SLC38A9: variants seen among roughly 807,000 people sequenced by gnomAD.
The protein encoded by SLC38A9 is solute carrier family 38 member 9, also known as neutral amino acid transporter 9.
SLC38A9 carries 48 observed loss-of-function variants against 62.3 expected under a neutral mutation model. The observed-to-expected ratio is 0.77, with a 90% CI of 0.61 to 0.98. The LOEUF is 0.98. Ranked by LOEUF, SLC38A9 falls within the 50% of genes least tolerant of loss-of-function variation. The probability of loss-of-function intolerance (pLI) is 0.00; values close to 1 mark genes in which losing one functional copy is unlikely to be tolerated. For missense variants in SLC38A9, 541 were observed against 679.8 expected, an observed-to-expected ratio of 0.80 and a Z score of 2.27; for synonymous variants, 204 against 227.7, an observed-to-expected ratio of 0.90 and a Z score of 0.94.
intron 11 of SLC38A9, among the ~76,000 whole-genome samples, chr5:55,647,881 T>C (rs1746675399): frequency 6.6e-6 from 1 of 152,196 alleles, no homozygotes; most frequent in Admixed American, 6.5e-5. Context: ...TTCACAGAGT[T>C]GTACAACCAT....
chr5:55,697,996 C>T lies in SLC38A9; in HGVS notation c.-34-4G>A. On this transcript the variant is annotated splice_region_variant and splice_polypyrimidine_tract_variant and intron_variant, in intron 2 of 15. Coordinates refer to ENST00000396865, the MANE Select transcript of SLC38A9 (RefSeq NM_173514.4). ...CTAAGCACTGAAGAAGTTAGTCCTACACAAAGAAGATAAATAATTTAGTTT... is the reference window on the plus strand; with the variant it reads ...CTAAGCACTGAAGAAGTTAGTCCTATACAAAGAAGATAAATAATTTAGTTT... 1 of 1,003,480 alleles carries T rather than the reference C, an allele frequency of 1.0e-6. No individual in the cohort carries two copies. Among genetic ancestry groups the T allele is most frequent in the South Asian group, 1.6e-5 (1 of 64,482 alleles). 62.2% of individuals were successfully genotyped at this position (1,003,480 alleles called of 1,614,324 possible). A position where few individuals can be genotyped will look rare whatever the true frequency, so the allele number is the denominator to read the frequency against.
intron 3 of SLC38A9, among the ~76,000 whole-genome samples, chr5:55,680,895 G>C (rs182579513): frequency 6.6e-6 from 1 of 152,216 alleles, no homozygotes; most frequent in Non-Finnish European, 1.5e-5. Context: ...GCATTCTGCA[G>C]ATCAATCCCA....
At chr5:55,650,144 C>G (rs549548527) in intron 10 of SLC38A9, among the ~76,000 whole-genome samples, 53 of 152,088 alleles carry the variant, frequency 3.5e-4, no homozygotes, top group Admixed American at 1.2e-3. Flanking sequence ...CAATCCTGAT[C>G]TAGTATCTAG....
intron 7 of SLC38A9, among the ~76,000 whole-genome samples, chr5:55,668,967 G>A (rs1364470022): frequency 1.3e-5 from 2 of 152,198 alleles, no homozygotes; most frequent in Admixed American, 1.3e-4. Flanking sequence ...ATAAATATGA[G>A]TTTTTAAATG....
At chr5:55,705,439 C>CAAAAAAAAAA (rs67490309) in intron 2 of SLC38A9, among the ~76,000 whole-genome samples, 4 of 125,614 alleles carry the variant, frequency 3.2e-5, no homozygotes, top group East Asian at 2.3e-4. Flanking sequence ...CTTCATATTA[C>CAAAAAAAAAA]AAAAAAAAAA....
intron 2 of SLC38A9, among the ~76,000 whole-genome samples, chr5:55,700,580 A>G (rs1472706328): frequency 6.6e-6 from 1 of 152,162 alleles, no homozygotes; most frequent in East Asian, 1.9e-4. Flanking sequence ...AGGAAAGCAA[A>G]AGAGGAGAAA....
chr5:55,652,864 C>A (rs1052661123), intron 9 of SLC38A9, 141 bp from the exon 10 acceptor site: 2 of 584,128 alleles, frequency 3.4e-6, no homozygotes, highest in African/African-American at 3.7e-5. Flanking sequence ...TTTCTCTTTT[C>A]TGGAAAAAAT....
chr5:55,692,945 T>TA (rs1754948465), intron 3 of SLC38A9: 1 of 977,330 alleles, frequency 1.0e-6, no homozygotes, highest in South Asian at 4.7e-5. Context: ...TCTCATGTGA[T>TA]AAATTTCACA....
intron 8 of SLC38A9, among the ~76,000 whole-genome samples, chr5:55,659,668 G>A (rs1250583512): frequency 4.0e-5 from 6 of 151,620 alleles, no homozygotes; most frequent in South Asian, 2.1e-4. Context: ...GATTACAGGC[G>A]TGAGCCACTA....
intron 3 of SLC38A9, among the ~76,000 whole-genome samples, chr5:55,687,336 A>G (rs1754039448): frequency 7.1e-6 from 1 of 141,798 alleles, no homozygotes; most frequent in Non-Finnish European, 1.5e-5. Context: ...CTGAGGCAGG[A>G]GAATGGCGTG....
At chr5:55,632,931 C>T (rs1402458582) in intron 14 of SLC38A9, among the ~76,000 whole-genome samples, 1 of 152,142 alleles carries the variant, frequency 6.6e-6, no homozygotes, top group African/African-American at 2.4e-5. Flanking sequence ...ACAATTTCCC[C>T]TGTATCTTTG....
At chr5:55,643,051 C>T (rs887333005) in intron 12 of SLC38A9, among the ~76,000 whole-genome samples, 1 of 152,176 alleles carries the variant, frequency 6.6e-6, no homozygotes, top group Admixed American at 6.5e-5. Context: ...CTTTTGTTTA[C>T]AAGGTCAGAA....
Position 55,635,652 on chromosome 5 carries a change from C to T in SLC38A9, c.1173G>A (p.Arg391=), listed in dbSNP as rs1486653573. ...CCAGCATATAAGCAATGCACAAGTC[C>T]CTCACCTGTAAATACAGAACAAAAG... ...KNNKKQENNV[R]DLCIAYMLVT... Residue 391 remains arginine, a synonymous_variant, in exon 13 of 16, where the codon AGG becomes AGA. Transcript: ENST00000396865. The T allele has an allele frequency of 6.2e-7, 1 of 1,609,600 alleles. No homozygotes were observed. The highest frequency in any genetic ancestry group is 8.5e-7 in the Non-Finnish European group (1 of 1,176,048).
At chr5:55,683,558 A>G (rs188529716) in intron 3 of SLC38A9, among the ~76,000 whole-genome samples, 58 of 152,356 alleles carry the variant, frequency 3.8e-4, no homozygotes, top group African/African-American at 1.4e-3. Context: ...ACCACTGTTA[A>G]CATTTTAGTG....
intron 2 of SLC38A9, 58 bp from the exon 3 acceptor site, chr5:55,698,050 TAATA>T: frequency 4.7e-6 from 3 of 634,336 alleles, no homozygotes; most frequent in Non-Finnish European, 8.0e-6. Context: ...TATCCATCAC[TAATA>T]AATATTCATG....
At position 55,669,819 on chromosome 5, in the gene SLC38A9, A is replaced by G; in HGVS notation, c.307T>C (p.Ser103Pro). The G allele has an allele frequency of 1.2e-6, 2 of 1,613,828 alleles. No individual in the cohort carries two copies. Among genetic ancestry groups the G allele is most frequent in the South Asian group, 1.1e-5 (1 of 91,064 alleles). ...GTGTAACTTTGAAGTTTATAAGCAGAGCCCAATGGACTATACACATAGCAC... is the reference window on the plus strand; with the variant it reads ...GTGTAACTTTGAAGTTTATAAGCAGGGCCCAATGGACTATACACATAGCAC... ...EECYVYSPLGSAYKLQSYTEG... is the reference protein window; with the variant it reads ...EECYVYSPLGPAYKLQSYTEG... Residue 103 changes from serine (S) to proline (P), a missense_variant, in exon 5 of 16, where the codon TCT becomes CCT. Physicochemically the swap from Ser to Pro is moderately conservative, Grantham distance 74 (BLOSUM62 -1). Coordinates refer to ENST00000396865, the MANE Select transcript of SLC38A9 (RefSeq NM_173514.4).
intron 3 of SLC38A9, among the ~76,000 whole-genome samples, chr5:55,690,231 AT>A (rs1320002363): frequency 6.6e-6 from 1 of 152,062 alleles, no homozygotes; most frequent in Non-Finnish European, 1.5e-5. Flanking sequence ...GCCTCAAGCA[AT>A]ACACCTCCCT....
intron 8 of SLC38A9, among the ~76,000 whole-genome samples, chr5:55,663,378 C>T (rs1203588642): frequency 6.8e-6 from 1 of 147,550 alleles, no homozygotes; most frequent in Non-Finnish European, 1.5e-5. Flanking sequence ...AGTCAGTATA[C>T]TGGTATTTAT....
chr5:55,655,241 TATAAG>T (rs754850726), intron 9 of SLC38A9, among the ~76,000 whole-genome samples: 10 of 123,330 alleles, frequency 8.1e-5, no homozygotes, highest in Middle Eastern at 4.0e-3. Flanking sequence ...AAGTGCTGGA[TATAAG>T]ATATCACTAT....
Sources: gnomAD v4.1 joint callset for allele counts (sites outside exome capture counted in the v4.1 genomes callset) on GRCh38, gnomAD v4.1.1 for gene constraint, MANE v1.5 for transcripts, NCBI Gene and HGNC (gene_info 2026-07-23, HGNC 2026-07-21) for gene names.